ADGRL2: variants seen among roughly 807,000 people sequenced by gnomAD.
ADGRL2 encodes adhesion G protein-coupled receptor L2.
A neutral mutation model predicts 157.4 loss-of-function variants in ADGRL2; 44 were observed. The observed-to-expected ratio is 0.28, with a 90% CI of 0.22 to 0.36. The LOEUF is 0.36. ADGRL2 is among the 10% of genes least tolerant of loss of function. ADGRL2 has a pLI of 1.00. For missense variants in ADGRL2, 1,510 were observed against 1,768.9 expected (o/e 0.85, Z 2.63); for synonymous variants, 585 against 624.7 (o/e 0.94, Z 0.95).
intron 3 of ADGRL2, among the ~76,000 whole-genome samples, chr1:81,660,961 T>G (rs929723345): frequency 6.6e-6 from 1 of 152,210 alleles, no homozygotes; most frequent in Non-Finnish European, 1.5e-5. Context: ...GAAGGATTTC[T>G]GAAATCGTTA....
intron 2 of ADGRL2, among the ~76,000 whole-genome samples, chr1:81,576,309 C>T (rs140284484): frequency 6.6e-6 from 1 of 152,062 alleles, no homozygotes; most frequent in Admixed American, 6.6e-5. Flanking sequence ...CTCCTCTAAA[C>T]CTCTCAGCTT....
chr1:81,914,249 AT>A (rs1557901077), intron 3 of ADGRL2, among the ~76,000 whole-genome samples: 2 of 152,080 alleles, frequency 1.3e-5, no homozygotes, highest in Non-Finnish European at 2.9e-5. Context: ...AGATATTTTT[AT>A]TTAATTAATA....
chr1:81,533,422 T>C (rs1476307615), intron 2 of ADGRL2, among the ~76,000 whole-genome samples: 1 of 152,120 alleles, frequency 6.6e-6, no homozygotes, highest in Non-Finnish European at 1.5e-5. Context: ...TAGTTTTTAC[T>C]GAGGGGAGGG....
At chr1:81,434,494 T>C (rs992265423) in intron 1 of ADGRL2, among the ~76,000 whole-genome samples, 3 of 152,148 alleles carry the variant, frequency 2.0e-5, no homozygotes, top group African/African-American at 7.2e-5. Flanking sequence ...TAGAAGAGTG[T>C]CTGGTGCTTG....
chr1:81,408,252 AT>A (rs1486841092), intron 1 of ADGRL2, among the ~76,000 whole-genome samples: 1 of 152,152 alleles, frequency 6.6e-6, no homozygotes, highest in East Asian at 1.9e-4. Context: ...GTAATTTTTC[AT>A]TTTGTGAAAT....
chr1:81,346,023 A>G (rs1461248358), intron 1 of ADGRL2, among the ~76,000 whole-genome samples: 2 of 152,316 alleles, frequency 1.3e-5, no homozygotes, highest in Middle Eastern at 3.4e-3. Context: ...ATAGACAGCA[A>G]TAGCAATACT....
At position 81,913,221 on chromosome 1, in the gene ADGRL2, T is replaced by C. The variant is rs530675788; in HGVS notation, c.287+5991T>C. Among the ~76,000 whole-genome samples the C allele has an allele frequency of 5.3e-5, 8 of 152,316 alleles. No homozygotes were observed. In the East Asian group the frequency reaches 1.5e-3, roughly 29 times the overall value. The stretch of plus-strand genomic sequence containing the variant: ...TATCCTAACCTATTATCTCTAAGTA[T>C]AATAATTACACTTTATTTTACTTTT... On this transcript the variant is annotated intron_variant, in intron 3 of 23. Transcript: ENST00000686636.
intron 3 of ADGRL2, among the ~76,000 whole-genome samples, chr1:81,926,568 T>A: frequency 6.6e-6 from 1 of 152,068 alleles, no homozygotes; most frequent in East Asian, 1.9e-4. Context: ...TTTTTATAAA[T>A]AATTGCTCTT....
At chr1:81,498,016 C>T (rs898249895) in intron 2 of ADGRL2, among the ~76,000 whole-genome samples, 3 of 152,046 alleles carry the variant, frequency 2.0e-5, no homozygotes, top group Admixed American at 6.6e-5. Flanking sequence ...ATCATCCTGG[C>T]TAACATGGTG....
In ADGRL2 at chr1:81,638,732, A is replaced by G. The variant is rs192160777; in HGVS notation, c.-143+57752A>G. On this transcript the variant is annotated intron_variant, in intron 3 of 24. Coordinates refer to the ADGRL2 transcript ENST00000370721. ...AAAATGGAATCATAAAAATTATTCAATTAAAACCACAAAAGGCAGAAAAAG... is the reference window on the plus strand; with the variant it reads ...AAAATGGAATCATAAAAATTATTCAGTTAAAACCACAAAAGGCAGAAAAAG... Among the ~76,000 whole-genome samples the G allele has an allele frequency of 1.2e-4, 18 of 152,336 alleles. No individual in the cohort carries two copies. The East Asian group carries it at 1.3e-3, about 11-fold the overall frequency.
At chr1:81,455,930 C>T (rs753944678) in intron 2 of ADGRL2, among the ~76,000 whole-genome samples, 1 of 152,122 alleles carries the variant, frequency 6.6e-6, no homozygotes, top group Non-Finnish European at 1.5e-5. Flanking sequence ...TGAGTGAATC[C>T]TTGATCACCA....
chr1:81,511,685 G>A (rs562210727), intron 2 of ADGRL2, among the ~76,000 whole-genome samples: 23 of 151,884 alleles, frequency 1.5e-4, no homozygotes, highest in Middle Eastern at 6.8e-3. Context: ...TTTCTTATTC[G>A]CTGTTTTGTC....
rs769350694 is a variant in ADGRL2 at position 81,907,126 on chromosome 1, C to A, written c.183C>A (p.Ser61Arg). The A allele has an allele frequency of 5.0e-6, 8 of 1,613,924 alleles. No homozygotes were observed. The highest frequency in any genetic ancestry group is 6.8e-6 in the Non-Finnish European group (8 of 1,179,922). Residue 61 changes from serine (S) to arginine (R), a missense_variant, in exon 3 of 24, where the codon AGC becomes AGA. Coordinates refer to ENST00000686636, the MANE Select transcript of ADGRL2 (RefSeq NM_001366006.2). ...CPGSDVIMIE[S>R]ANYGRTDDKI... The stretch of plus-strand genomic sequence containing the variant: ...GCAGTGATGTCATCATGATTGAGAG[C>A]GCTAACTATGGTCGGACGGATGACA...
chr1:81,731,573 T>C (rs2084723245), intron 1 of ADGRL2, among the ~76,000 whole-genome samples: 1 of 152,156 alleles, frequency 6.6e-6, no homozygotes. Context: ...GCTTTGCAAA[T>C]TTTCTTTTTT....
chr1:81,647,292 G>T (rs2082332208), intron 3 of ADGRL2, among the ~76,000 whole-genome samples: 2 of 152,128 alleles, frequency 1.3e-5, no homozygotes, highest in South Asian at 4.1e-4. Context: ...AATGTGATGA[G>T]ACTTCACCTT....
intron 2 of ADGRL2, chr1:81,501,796 G>A: frequency 6.2e-7 from 1 of 1,604,794 alleles, no homozygotes; most frequent in Non-Finnish European, 8.5e-7. Flanking sequence ...AGCAGCAGCA[G>A]CAGCAGCAGC....
chr1:81,406,678 A>G (rs1260432288), intron 1 of ADGRL2, among the ~76,000 whole-genome samples: 2 of 152,246 alleles, frequency 1.3e-5, no homozygotes, highest in African/African-American at 4.8e-5. Context: ...ATTAAAAACA[A>G]CAAATGACAT....
chr1:81,862,732 A>T (rs2093425705), intron 2 of ADGRL2, among the ~76,000 whole-genome samples: 1 of 152,168 alleles, frequency 6.6e-6, no homozygotes, highest in Non-Finnish European at 1.5e-5. Context: ...TCTTTTACCA[A>T]GCAAGTTTAC....
At chr1:81,425,819 A>G (rs1298802195) in intron 1 of ADGRL2, among the ~76,000 whole-genome samples, 1 of 152,168 alleles carries the variant, frequency 6.6e-6, no homozygotes, top group Non-Finnish European at 1.5e-5. Context: ...TACATGGCTG[A>G]CAACCATATA....
Sources: allele counts gnomAD v4.1 joint callset (sites outside exome capture counted in the v4.1 genomes callset), GRCh38; gene constraint gnomAD v4.1.1; transcripts MANE v1.5; gene names NCBI Gene and HGNC (gene_info 2026-07-23, HGNC 2026-07-21).